The following KIF16B variants were observed in gnomAD, a reference collection of about 807,000 sequenced individuals.
KIF16B encodes kinesin family member 16B.
KIF16B carries 98 observed loss-of-function variants against 156.3 expected under a neutral mutation model. The observed-to-expected ratio is 0.63, with a 90% CI of 0.53 to 0.74. KIF16B has a LOEUF of 0.74. Ranked by LOEUF, KIF16B falls within the 30% of genes least tolerant of loss-of-function variation. The pLI, the probability that KIF16B is intolerant of heterozygous loss-of-function variation, is 0.00. For missense variants in KIF16B, 1,421 were observed against 1,606.5 expected (o/e 0.88, Z 1.97); for synonymous variants, 564 against 583.7 (o/e 0.97, Z 0.49).
At chr20:16,325,102 C>T (rs752616070) in intron 24 of KIF16B, among the ~76,000 whole-genome samples, 10 of 152,014 alleles carry the variant, frequency 6.6e-5, no homozygotes, top group Admixed American at 1.3e-4. Context: ...AATCCAGCAT[C>T]GCTTTATGAT....
At chr20:16,321,498 C>T (rs78836433) in intron 24 of KIF16B, among the ~76,000 whole-genome samples, 2 of 151,980 alleles carry the variant, frequency 1.3e-5, no homozygotes, top group African/African-American at 4.8e-5. Context: ...GAAATTGAAC[C>T]AAGATGTTTA....
intron 17 of KIF16B, among the ~76,000 whole-genome samples, chr20:16,404,265 A>T (rs2065726102): frequency 6.6e-6 from 1 of 152,110 alleles, no homozygotes; most frequent in Non-Finnish European, 1.5e-5. Context: ...TTTCATTATC[A>T]CTGTCATTTT....
intron 1 of KIF16B, among the ~76,000 whole-genome samples, chr20:16,546,804 T>C (rs1416468291): frequency 6.6e-6 from 1 of 152,172 alleles, no homozygotes; most frequent in African/African-American, 2.4e-5. Context: ...TCAGATGGAG[T>C]CTCACTCTGT....
intron 25 of KIF16B, among the ~76,000 whole-genome samples, chr20:16,287,654 A>G (rs916884856): frequency 6.6e-6 from 1 of 152,244 alleles, no homozygotes; most frequent in African/African-American, 2.4e-5. Context: ...TTTAAAATCC[A>G]TGTGATATTC....
chr20:16,337,789 G>A (rs1423569949), intron 23 of KIF16B, among the ~76,000 whole-genome samples: 1 of 152,314 alleles, frequency 6.6e-6, no homozygotes, highest in African/African-American at 2.4e-5. Flanking sequence ...ACAATCCACA[G>A]TCTTGGCTGG....
intron 23 of KIF16B, among the ~76,000 whole-genome samples, chr20:16,346,005 A>C (rs887575639): frequency 2.6e-5 from 4 of 152,166 alleles, no homozygotes; most frequent in African/African-American, 9.7e-5. Flanking sequence ...GGTGGGAGTA[A>C]AGAAAGAGAG....
intron 25 of KIF16B, among the ~76,000 whole-genome samples, chr20:16,300,558 G>A (rs905860160): frequency 1.3e-5 from 2 of 151,946 alleles, no homozygotes; most frequent in African/African-American, 2.4e-5. Flanking sequence ...AAAAATAAGA[G>A]GTTGGAGGAA....
At chr20:16,405,087 C>T (rs908635936) in intron 16 of KIF16B, among the ~76,000 whole-genome samples, 186 bp from the exon 17 acceptor site, 1 of 152,166 alleles carries the variant, frequency 6.6e-6, no homozygotes, top group African/African-American at 2.4e-5. Context: ...ACATTTCAAA[C>T]CCGAGCCTTC....
intron 23 of KIF16B, 122 bp downstream of exon 23, chr20:16,356,208 C>G: frequency 7.7e-7 from 1 of 1,295,938 alleles, no homozygotes; most frequent in Non-Finnish European, 1.1e-6. Flanking sequence ...AGGGCAAGAC[C>G]AAATATTTTA....
intron 12 of KIF16B, among the ~76,000 whole-genome samples, chr20:16,469,379 T>C (rs2067592918): frequency 6.6e-6 from 1 of 151,308 alleles, no homozygotes. Flanking sequence ...AACACACTTC[T>C]ACATAACATG....
intron 23 of KIF16B, among the ~76,000 whole-genome samples, chr20:16,336,549 G>C (rs1035946987): frequency 5.9e-5 from 9 of 152,242 alleles, no homozygotes; most frequent in African/African-American, 2.2e-4. Flanking sequence ...ACAGGCCAAT[G>C]AATCTCCAAT....
Position 16,443,826 on chromosome 20 carries a change from A to C in KIF16B, c.1303-13844T>G, listed in dbSNP as rs375106483. The stretch of plus-strand genomic sequence containing the variant: ...GAATATAATCCATTTTATAAAGAGA[A>C]ATTACATTAGAAAGACTTTTATAAG... On this transcript the variant is annotated intron_variant, in intron 12 of 25. Transcript: ENST00000354981. 1.4e-4 allele frequency among the ~76,000 whole-genome samples: 22 copies of C among 152,358 alleles called. No homozygotes were observed. The South Asian group carries it at 4.6e-3, about 32-fold the overall frequency.
chr20:16,350,281 G>A (rs560446629), intron 23 of KIF16B, among the ~76,000 whole-genome samples: 11 of 152,176 alleles, frequency 7.2e-5, no homozygotes, highest in Non-Finnish European at 1.3e-4. Context: ...GAGAAAAGGC[G>A]GGCACCTCGG....
At chr20:16,334,615 G>C (rs1568860020) in intron 24 of KIF16B, among the ~76,000 whole-genome samples, 1 of 152,122 alleles carries the variant, frequency 6.6e-6, no homozygotes, top group Non-Finnish European at 1.5e-5. Flanking sequence ...TTGGAGGTGG[G>C]GCCTAGTAGG....
intron 17 of KIF16B, among the ~76,000 whole-genome samples, chr20:16,393,423 A>G (rs2065417850): frequency 6.6e-6 from 1 of 152,218 alleles, no homozygotes; most frequent in African/African-American, 2.4e-5. Flanking sequence ...AATGATGACA[A>G]TTAACCTTAG....
intron 25 of KIF16B, among the ~76,000 whole-genome samples, chr20:16,301,794 C>T (rs1025691134): frequency 6.6e-6 from 1 of 152,094 alleles, no homozygotes; most frequent in Non-Finnish European, 1.5e-5. Context: ...GGATTACAGG[C>T]ATGCACCACT....
intron 12 of KIF16B, among the ~76,000 whole-genome samples, chr20:16,469,708 T>C (rs139346772): frequency 7.9e-4 from 121 of 152,314 alleles, no homozygotes; most frequent in African/African-American, 2.6e-3. Flanking sequence ...ACAGGAACTC[T>C]TGCTCACTGC....
intron 17 of KIF16B, among the ~76,000 whole-genome samples, chr20:16,385,821 A>C (rs1377061180): frequency 6.6e-6 from 1 of 152,148 alleles, no homozygotes; most frequent in Non-Finnish European, 1.5e-5. Flanking sequence ...GCACTGTTCT[A>C]GGTACTGTGA....
chr20:16,494,907 T>C (rs6044028), intron 11 of KIF16B, among the ~76,000 whole-genome samples: 34,419 of 152,056 alleles, frequency 0.23, 4,468 homozygotes, highest in East Asian at 0.36. Flanking sequence ...AGCAAAAATC[T>C]TTTGACAAAA....
Sources: allele counts gnomAD v4.1 joint callset (sites outside exome capture counted in the v4.1 genomes callset), GRCh38; gene constraint gnomAD v4.1.1; transcripts MANE v1.5; gene names NCBI Gene and HGNC (gene_info 2026-07-23, HGNC 2026-07-21).